BOK: variants seen among roughly 807,000 people sequenced by gnomAD.
BOK encodes bcl-2-related ovarian killer protein.
In BOK, 20 loss-of-function variants were observed where a neutral mutation model predicts 18.3. The ratio of observed to expected loss-of-function variants is 1.09; its 90% CI spans 0.77 to 1.59. The LOEUF (loss-of-function observed/expected upper bound fraction) is 1.59. Ranked by LOEUF, BOK falls within the 40% of genes most tolerant of loss-of-function variation. The pLI is 0.00. For synonymous variants in BOK, 173 were observed against 142.4 expected (o/e 1.21, Z -1.53); for missense variants, 348 against 307.9 (o/e 1.13, Z -0.97).
chr2:241,562,216 C>T lies in BOK; in HGVS notation c.221-132C>T. ...GATGGGGTCAAGTGGAGGTGGGAATCAGACAAGTGAGGAACAGGCTGGAAT... is the reference window on the plus strand; with the variant it reads ...GATGGGGTCAAGTGGAGGTGGGAATTAGACAAGTGAGGAACAGGCTGGAAT... On this transcript the variant is annotated intron_variant, in intron 2 of 4. Transcript: ENST00000318407. This position sits in a 1 kb window ranked among gnomAD's most constrained non-coding sequence, Gnocchi z 4.5. The T allele has an allele frequency of 8.2e-7, 1 of 1,221,498 alleles. No homozygotes were observed. The allele number at this position is 1,221,498 out of a possible 1,614,324, so 75.7% of individuals were successfully genotyped here. A position where few individuals can be genotyped will look rare whatever the true frequency, so the allele number is the denominator to read the frequency against.
rs2066738716 is a variant in BOK, at chr2:241,572,382, T to A, written c.599T>A (p.Phe200Tyr). 6.2e-7 allele frequency: 1 copy of A among 1,604,750 alleles called. No homozygotes were observed. Among genetic ancestry groups the A allele is most frequent in the Non-Finnish European group, 8.5e-7 (1 of 1,179,168 alleles). The change falls in exon 5 of 5, where the codon TTC (phenylalanine) becomes TAC (tyrosine). Residue 200 changes from phenylalanine (F) to tyrosine (Y), a missense_variant. By Grantham distance (22) the Phe-to-Tyr change is conservative (BLOSUM62 3). Coordinates refer to ENST00000318407, the MANE Select transcript of BOK (RefSeq NM_032515.5). ...LVAALCSFGR[F>Y]LKAAFFVLLP... ...GCTGCACTCTGCAGCTTCGGCCGCT[T>A]CCTGAAGGCTGCCTTCTTCGTGCTG... is the stretch of plus-strand genomic sequence containing the variant.
At chr2:241,572,074 C>T (rs1386381274) in intron 4 of BOK, among the ~76,000 whole-genome samples, 7 of 152,240 alleles carry the variant, frequency 4.6e-5, no homozygotes, top group East Asian at 1.9e-4. Context: ...CCCCACCTCC[C>T]GTGCCTCCTG....
chr2:241,559,392 C>A, intron 1 of BOK, 63 bp from the exon 2 acceptor site: 1 of 1,082,682 alleles, frequency 9.2e-7, no homozygotes. Flanking sequence ...CCCAGCCCGG[C>A]GCCCCGCGCG....
At chr2:241,555,661 G>A (rs542614114), upstream of BOK, among the ~76,000 whole-genome samples, 67 of 152,312 alleles carry the variant, frequency 4.4e-4, no homozygotes, top group African/African-American at 1.3e-3. Flanking sequence ...ACAGGCATGA[G>A]CCACCACGCC....
chr2:241,558,419 C>G (rs907136910), upstream of BOK, among the ~76,000 whole-genome samples: 6 of 152,228 alleles, frequency 3.9e-5, no homozygotes, highest in African/African-American at 1.4e-4. Flanking sequence ...GCAATAACTT[C>G]AATAAATGCG....
chr2:241,569,279 G>C lies in BOK; in HGVS notation c.350-846G>C, dbSNP rs185839588. ...CCCGAGTAGCTGGGATTATAGGCGC[G>C]TGCCACCACGCCTGGCTAATTTTTT... On this transcript the variant is annotated intron_variant, in intron 3 of 4. Transcript: ENST00000318407. Among the ~76,000 whole-genome samples the C allele has an allele frequency of 3.0e-3, 456 of 151,700 alleles. 2 individuals are homozygous for C. The highest frequency in any genetic ancestry group is 0.01 in the African/African-American group (429 of 41,236).
At chr2:241,555,378 A>ACT (rs563004939), upstream of BOK, among the ~76,000 whole-genome samples, 46 of 139,090 alleles carry the variant, frequency 3.3e-4, no homozygotes, top group African/African-American at 1.2e-3. Flanking sequence ...CACTGAGGTC[A>ACT]TTTTTTTTTT....
upstream of BOK, among the ~76,000 whole-genome samples, chr2:241,557,308 CTTTT>C (rs59048690): frequency 0.057 from 7,235 of 126,696 alleles, 307 homozygotes; most frequent in African/African-American, 0.14. Context: ...TTTCTTTTTC[CTTTT>C]TTTTTTTTTT....
upstream of BOK, among the ~76,000 whole-genome samples, chr2:241,556,852 G>T (rs184867852): frequency 1.1e-3 from 169 of 152,274 alleles, no homozygotes; most frequent in African/African-American, 3.9e-3. Flanking sequence ...ATTTCTCAAT[G>T]AAACCATCTG....
At chr2:241,556,254 A>G (rs1279960087), upstream of BOK, among the ~76,000 whole-genome samples, 1 of 149,322 alleles carries the variant, frequency 6.7e-6, no homozygotes, top group East Asian at 1.9e-4. Flanking sequence ...GCAGCTAACA[A>G]TGACTGAGCA....
chr2:241,561,483 CAG>C (rs1381311745), intron 2 of BOK, among the ~76,000 whole-genome samples: 5 of 122,410 alleles, frequency 4.1e-5, no homozygotes, highest in African/African-American at 1.6e-4. Context: ...TGGCCCAGGA[CAG>C]GGGCCCAGCC....
chr2:241,565,870 A>G (rs1364853741), intron 3 of BOK, among the ~76,000 whole-genome samples: 2 of 152,126 alleles, frequency 1.3e-5, no homozygotes, highest in African/African-American at 2.4e-5. Flanking sequence ...GTAGAACTCA[A>G]TTTTCCTCCC....
intron 4 of BOK, 133 bp from the exon 5 acceptor site, chr2:241,572,164 T>C (rs893557161): frequency 4.9e-5 from 68 of 1,382,388 alleles, no homozygotes; most frequent in Non-Finnish European, 6.5e-5. Context: ...CAGACCTCCT[T>C]CCCGAACAGT....
rs1275464088 is a variant in BOK at position 241,572,789 on chromosome 2, C to T, written c.*367C>T. 1 of 245,462 alleles carries T rather than the reference C, an allele frequency of 4.1e-6. No homozygotes were observed. The highest frequency in any genetic ancestry group is 2.3e-5 in the African/African-American group (1 of 43,984). The allele number at this position is 245,462 out of a possible 1,614,324, so 15.2% of individuals were successfully genotyped here. On this transcript the variant is annotated 3_prime_UTR_variant, in exon 5 of 5. Coordinates refer to ENST00000318407, the MANE Select transcript of BOK (RefSeq NM_032515.5). Reference sequence around the variant, plus strand: ...AGCCCCAGGTGAAGGGGCCCGGGAACACCTGCTCTCACCTGAGCCCCAGGT... The same window carrying T: ...AGCCCCAGGTGAAGGGGCCCGGGAATACCTGCTCTCACCTGAGCCCCAGGT...
intron 3 of BOK, among the ~76,000 whole-genome samples, chr2:241,569,429 C>T (rs765903025): frequency 3.9e-5 from 6 of 152,196 alleles, no homozygotes; most frequent in East Asian, 1.9e-4. Context: ...CCGCGCCTGG[C>T]GTAAAAGCTT....
chr2:241,556,374 A>G (rs563149782), upstream of BOK, among the ~76,000 whole-genome samples: 1 of 152,292 alleles, frequency 6.6e-6, no homozygotes, highest in Admixed American at 6.5e-5. Flanking sequence ...CACGAGGTCA[A>G]GAGATCGAGA....
Position 241,562,339 on chromosome 2 carries a change from A to G in BOK, c.221-9A>G. 1.3e-6 allele frequency: 2 copies of G among 1,591,522 alleles called. No homozygotes were observed. On this transcript the variant is annotated splice_polypyrimidine_tract_variant and intron_variant, in intron 2 of 4. Coordinates refer to ENST00000318407, the MANE Select transcript of BOK (RefSeq NM_032515.5). The surrounding 1 kb of genome is among the most constrained non-coding windows in gnomAD (Gnocchi z 4.5). Reference sequence around the variant, plus strand: ...GGGCTGCCTCTCACCTGCTCTTGTGACCACACAGGCGATGAGCTGGAGATG... The same window carrying G: ...GGGCTGCCTCTCACCTGCTCTTGTGGCCACACAGGCGATGAGCTGGAGATG...
At chr2:241,565,012 G>A (rs2066588998) in intron 3 of BOK, among the ~76,000 whole-genome samples, 1 of 152,174 alleles carries the variant, frequency 6.6e-6, no homozygotes, top group Non-Finnish European at 1.5e-5. Context: ...GGTTCTGGGA[G>A]GGCACCTGGG....
intron 3 of BOK, among the ~76,000 whole-genome samples, chr2:241,563,589 C>T (rs1310631706): frequency 2.6e-5 from 4 of 152,194 alleles, no homozygotes; most frequent in Non-Finnish European, 5.9e-5. Flanking sequence ...TCCCCTGGGG[C>T]AGTTTTTTGG....
Sources: gnomAD v4.1 joint callset for allele counts (sites outside exome capture counted in the v4.1 genomes callset) on GRCh38, gnomAD v4.1.1 for gene constraint, Gnocchi (gnomAD v3.1) non-coding constraint, MANE v1.5 for transcripts, NCBI Gene and HGNC (gene_info 2026-07-23, HGNC 2026-07-21) for gene names.